The following PHEX variants were observed in gnomAD, a reference collection of about 807,000 sequenced individuals.
PHEX encodes the protein phosphate-regulating neutral endopeptidase PHEX.
In PHEX, 16 loss-of-function variants were observed where a neutral mutation model predicts 68.0. The ratio of observed to expected loss-of-function variants is 0.24; its 90% CI spans 0.16 to 0.36. The LOEUF (loss-of-function observed/expected upper bound fraction) is 0.36. PHEX is among the 10% of genes least tolerant of loss of function. PHEX has a pLI of 1.00. For synonymous variants in PHEX, 208 were observed against 205.1 expected (o/e 1.01, Z -0.12); for missense variants, 480 against 575.5 (o/e 0.83, Z 1.70).
chrX:22,215,340 T>C (rs1004094456), intron 16 of PHEX, among the ~76,000 whole-genome samples: 1 of 111,677 alleles, frequency 9.0e-6, no homozygotes, highest in Middle Eastern at 4.6e-3. Flanking sequence ...GGAGTCATGG[T>C]CCAGTGAGAT....
In PHEX at chrX:22,248,047, CTT is replaced by C. The variant is rs1936444897; in HGVS notation, c.*96_*97del. The C allele has an allele frequency of 7.9e-6, 5 of 630,295 alleles. No individual in the cohort carries two copies. The highest frequency in any genetic ancestry group is 3.1e-4 in the Middle Eastern group (1 of 3,267). 51.9% of individuals were successfully genotyped at this position (630,295 alleles called of 1,213,427 possible). ...TCGCCCATTGCTTTAGGCCTGGAGA[CTT>C]TCATTTTTAGTGCATTTTCATTATT... On this transcript the variant is annotated 3_prime_UTR_variant, in exon 22 of 22. Coordinates refer to ENST00000379374, the MANE Select transcript of PHEX (RefSeq NM_000444.6).
In PHEX at chrX:22,227,435, A is replaced by C. The variant is rs920727469; in HGVS notation, c.1966-72A>C. The C allele has an allele frequency of 1.0e-5, 7 of 695,609 alleles. No homozygotes were observed. The African/African-American group carries it at 1.3e-4, about 13-fold the overall frequency. 57.3% of individuals were successfully genotyped at this position (695,609 alleles called of 1,213,427 possible). On this transcript the variant is annotated intron_variant, in intron 19 of 21. Transcript: ENST00000379374. Reference sequence around the variant, plus strand: ...CACGTGGCAGGAGTATATATTTGCTATTCCTGTGCTAGCTGAGCAAAGAGA... The same window carrying C: ...CACGTGGCAGGAGTATATATTTGCTCTTCCTGTGCTAGCTGAGCAAAGAGA...
chrX:22,190,038 G>A (rs1187890189), intron 14 of PHEX, among the ~76,000 whole-genome samples: 1 of 112,011 alleles, frequency 8.9e-6, no homozygotes, highest in Non-Finnish European at 1.9e-5. Flanking sequence ...ACAGGCCAGA[G>A]GTAATGCAGC....
At chrX:22,034,449 A>C (rs939618184) in intron 1 of PHEX, among the ~76,000 whole-genome samples, 3 of 112,607 alleles carry the variant, frequency 2.7e-5, no homozygotes, top group Non-Finnish European at 3.7e-5. Flanking sequence ...TATCGGTTGA[A>C]AGATTCTCCG....
chrX:22,145,695 C>A (rs1264182812), intron 12 of PHEX, among the ~76,000 whole-genome samples: 1 of 110,826 alleles, frequency 9.0e-6, no homozygotes, highest in African/African-American at 3.3e-5. Flanking sequence ...GTTTCAGTGG[C>A]CATTGATAAT....
At chrX:22,036,101 C>A (rs1927007710) in intron 1 of PHEX, among the ~76,000 whole-genome samples, 1 of 94,768 alleles carries the variant, frequency 1.1e-5, no homozygotes, top group African/African-American at 4.0e-5. Flanking sequence ...ACTCTGTCAC[C>A]CAGGCTGGAG....
rs371115510 is a variant in PHEX at position 22,114,469 on chromosome X, G to C, written c.1185G>C (p.Gly395=). 8.8e-5 allele frequency: 106 copies of C among 1,202,415 alleles called. No homozygotes were observed. Among genetic ancestry groups the C allele is most frequent in the Non-Finnish European group, 1.1e-4 (101 of 888,674 alleles). ...RWLEFSRVIQ[G]TTTLLPQWDK... ...ATTATCTCCCACAGGTAATCCAGGG[G>C]ACCACAACTTTGCTGCCTCAATGGG... The change falls in exon 11 of 22, where the codon GGG becomes GGC. Residue 395 remains glycine (G), a synonymous_variant. Coordinates refer to ENST00000379374, the MANE Select transcript of PHEX (RefSeq NM_000444.6).
chrX:22,121,108 A>G (rs1328123064), intron 11 of PHEX, among the ~76,000 whole-genome samples: 4 of 112,396 alleles, frequency 3.6e-5, no homozygotes, highest in Non-Finnish European at 7.5e-5. Flanking sequence ...TTTCTTATAG[A>G]GTAAACCCTG....
At position 22,248,359 on chromosome X, in the gene PHEX, C is replaced by CA. The variant is rs1407606825; in HGVS notation, c.*408dup. 5.7e-6 allele frequency: 1 copy of CA among 176,611 alleles called. No individual in the cohort carries two copies. The highest frequency in any genetic ancestry group is 1.1e-5 in the Non-Finnish European group (1 of 94,087). 14.6% of individuals were successfully genotyped at this position (176,611 alleles called of 1,213,427 possible). ...TCAATCTATTAAACTTGTAGCCTCT[C>CA]AATGATGAAGACATGTGCATGAATA... On this transcript the variant is annotated 3_prime_UTR_variant, in exon 22 of 22. Coordinates refer to ENST00000379374, the MANE Select transcript of PHEX (RefSeq NM_000444.6).
At chrX:22,226,344 T>G in intron 18 of PHEX, 99 bp from the exon 19 acceptor site, 1 of 609,366 alleles carries the variant, frequency 1.6e-6, no homozygotes, top group East Asian at 3.3e-5. Flanking sequence ...CTTTAAAATA[T>G]GATACTTTTC....
intron 19 of PHEX, 104 bp downstream of exon 19, chrX:22,226,612 G>C (rs1053699578): frequency 3.5e-5 from 22 of 629,497 alleles, no homozygotes; most frequent in Non-Finnish European, 5.4e-5. Context: ...GAGTTAGTTA[G>C]TTAGATATTA....
chrX:22,167,447 G>A (rs1189162168), intron 12 of PHEX, among the ~76,000 whole-genome samples: 1 of 106,510 alleles, frequency 9.4e-6, no homozygotes, highest in Non-Finnish European at 1.9e-5. Context: ...CTTCTTTTGA[G>A]AAATGTATTT....
At chrX:22,227,928 G>C (rs3795242) in intron 20 of PHEX, among the ~76,000 whole-genome samples, 1 of 110,184 alleles carries the variant, frequency 9.1e-6, no homozygotes, top group Non-Finnish European at 1.9e-5. Flanking sequence ...ACCATTTCTA[G>C]TAACTTGCTC....
At chrX:22,247,515 A>G (rs1936425310) in intron 21 of PHEX, among the ~76,000 whole-genome samples, 1 of 112,343 alleles carries the variant, frequency 8.9e-6, no homozygotes, top group African/African-American at 3.2e-5. Context: ...GGCAAGTCCT[A>G]CGTTTAATAT....
rs887423210 is a variant in PHEX, at chrX:22,248,876, C to T, written c.*923C>T. ...TTGTACTGGTTTTGAAATGAGCAGA[C>T]ATTGAGAAAACAATTTTCTGATTCC... On this transcript the variant is annotated 3_prime_UTR_variant, in exon 22 of 22. Coordinates refer to ENST00000379374, the MANE Select transcript of PHEX (RefSeq NM_000444.6). 1.8e-5 allele frequency: 2 copies of T among 111,162 alleles called. No individual in the cohort carries two copies. Among genetic ancestry groups the T allele is most frequent in the Admixed American group, 1.9e-4 (2 of 10,433 alleles). The allele number at this position is 111,162 out of a possible 1,213,427, so 9.2% of individuals were successfully genotyped here.
intron 1 of PHEX, among the ~76,000 whole-genome samples, chrX:22,038,261 G>A (rs1927115243): frequency 9.0e-6 from 1 of 111,486 alleles, no homozygotes; most frequent in African/African-American, 3.3e-5. Flanking sequence ...AGAGAACTGA[G>A]TTTCAAAGCA....
At chrX:22,201,471 C>A (rs1934553629) in intron 15 of PHEX, among the ~76,000 whole-genome samples, 1 of 111,654 alleles carries the variant, frequency 9.0e-6, no homozygotes, top group South Asian at 3.8e-4. Flanking sequence ...AGGTGTGAGC[C>A]ACCATGCCCA....
chrX:22,231,863 G>C (rs773145061), intron 20 of PHEX, among the ~76,000 whole-genome samples: 6 of 111,401 alleles, frequency 5.4e-5, no homozygotes, highest in Non-Finnish European at 1.1e-4. Context: ...GTGATGTTAG[G>C]GTGTCAATTT....
intron 15 of PHEX, 91 bp downstream of exon 15, chrX:22,190,593 T>G: frequency 1.5e-6 from 1 of 659,592 alleles, no homozygotes. Context: ...CATTTCTTAT[T>G]TCCCCCAAAA....
Sources: gnomAD v4.1 joint callset for allele counts (sites outside exome capture counted in the v4.1 genomes callset) on GRCh38, gnomAD v4.1.1 for gene constraint, MANE v1.5 for transcripts, NCBI Gene and HGNC (gene_info 2026-07-23, HGNC 2026-07-21) for gene names.